Variants in TCF4 observed in about 807,000 individuals in gnomAD.
TCF4 encodes the protein SL3-3 enhancer factor 2.
In TCF4, 3 loss-of-function variants were observed where a neutral mutation model predicts 82.1. That is an observed-to-expected ratio of 0.04 (90% CI 0.02 to 0.09). TCF4 has a LOEUF of 0.09. TCF4 is among the 10% of genes least tolerant of loss of function. The probability of loss-of-function intolerance (pLI) is 1.00; values close to 1 mark genes in which losing one functional copy is unlikely to be tolerated. For missense variants in TCF4, 518 were observed against 852.7 expected (o/e 0.61, Z 4.89); for synonymous variants, 276 against 309.6 (o/e 0.89, Z 1.14).
intron 8 of TCF4, chr18:55,322,105 C>CTT (rs1213553765): frequency 0.011 from 9,072 of 848,696 alleles, 1 homozygote; most frequent in Non-Finnish European, 0.011. Flanking sequence ...TTTTTTTTTC[C>CTT]TTTTTTTTTT....
intron 8 of TCF4, among the ~76,000 whole-genome samples, chr18:55,291,177 G>A (rs977331142): frequency 9.9e-5 from 15 of 152,152 alleles, no homozygotes; most frequent in African/African-American, 3.4e-4. Flanking sequence ...CAGGAATGGG[G>A]TTATAACCTA....
chr18:55,559,476 A>C (rs1194365646), intron 3 of TCF4, among the ~76,000 whole-genome samples: 1 of 152,162 alleles, frequency 6.6e-6, no homozygotes, highest in South Asian at 2.1e-4. Flanking sequence ...ATATTCTTTA[A>C]AAAAGGTTTA....
At chr18:55,378,277 A>C (rs1603421289) in intron 6 of TCF4, among the ~76,000 whole-genome samples, 1 of 152,320 alleles carries the variant, frequency 6.6e-6, no homozygotes, top group African/African-American at 2.4e-5. Context: ...TTGGCTAATA[A>C]CCATCAGTTT....
At chr18:55,295,849 C>T (rs1486664474) in intron 8 of TCF4, among the ~76,000 whole-genome samples, 1 of 152,134 alleles carries the variant, frequency 6.6e-6, no homozygotes, top group East Asian at 1.9e-4. Context: ...TTCATCCTTG[C>T]ACTTCACTTC....
chr18:55,373,541 A>G (rs930835918), intron 6 of TCF4, among the ~76,000 whole-genome samples: 3 of 152,156 alleles, frequency 2.0e-5, no homozygotes, highest in African/African-American at 4.8e-5. Flanking sequence ...GGCCGGGTGC[A>G]GTGGCTCACG....
At chr18:55,256,574 T>C (rs866395199) in intron 14 of TCF4, among the ~76,000 whole-genome samples, 1 of 152,128 alleles carries the variant, frequency 6.6e-6, no homozygotes, top group African/African-American at 2.4e-5. Flanking sequence ...CTAAAGCAGA[T>C]AGATAAATCT....
rs1599333707 is a variant in TCF4 at position 55,227,892 on chromosome 18, G to A, written c.*143C>T. 2.1e-5 allele frequency: 5 copies of A among 236,412 alleles called. No individual in the cohort carries two copies. The highest frequency in any genetic ancestry group is 1.0e-4 in the Admixed American group (2 of 19,182). 14.6% of individuals were successfully genotyped at this position (236,412 alleles called of 1,614,324 possible). A position where few individuals can be genotyped will look rare whatever the true frequency, so the allele number is the denominator to read the frequency against. On this transcript the variant is annotated 3_prime_UTR_variant, in exon 20 of 20. Coordinates refer to ENST00000354452, the MANE Select transcript of TCF4 (RefSeq NM_001083962.2). ...AATTGGGAATGCTGAAACCTCTTGC[G>A]TCTGCGATTCATAACTACTCAGACT...
chr18:55,348,045 A>G (rs2081555386), intron 8 of TCF4, among the ~76,000 whole-genome samples: 1 of 152,216 alleles, frequency 6.6e-6, no homozygotes, highest in Admixed American at 6.5e-5. Context: ...ATATAGAAAT[A>G]CAGATCTGCT....
intron 2 of TCF4, among the ~76,000 whole-genome samples, chr18:55,595,256 C>G (rs2097689723): frequency 6.6e-6 from 1 of 152,166 alleles, no homozygotes; most frequent in South Asian, 2.1e-4. Flanking sequence ...CCTCAAAACA[C>G]CTAAAAGTAG....
intron 5 of TCF4, among the ~76,000 whole-genome samples, chr18:55,423,237 G>C (rs1054500830): frequency 6.6e-6 from 1 of 151,966 alleles, no homozygotes; most frequent in Non-Finnish European, 1.5e-5. Context: ...TGATGTCAGC[G>C]GTTTTAATTA....
chr18:55,547,911 T>C (rs12963873), intron 3 of TCF4, among the ~76,000 whole-genome samples: 3 of 152,106 alleles, frequency 2.0e-5, no homozygotes, highest in Non-Finnish European at 4.4e-5. Flanking sequence ...TGAATTCCCA[T>C]CTAATGTCAT....
chr18:55,485,012 T>C (rs898422567), intron 3 of TCF4, among the ~76,000 whole-genome samples: 2 of 152,176 alleles, frequency 1.3e-5, no homozygotes, highest in African/African-American at 2.4e-5. Context: ...GATACTGGTT[T>C]CAAAATGAGC....
intron 5 of TCF4, among the ~76,000 whole-genome samples, chr18:55,434,384 T>A (rs1443658161): frequency 6.6e-6 from 1 of 151,624 alleles, no homozygotes; most frequent in Admixed American, 6.6e-5. Context: ...ATTCTGGTTC[T>A]GGTAATGTGT....
At chr18:55,256,821 C>T (rs1396136937) in intron 14 of TCF4, among the ~76,000 whole-genome samples, 1 of 152,168 alleles carries the variant, frequency 6.6e-6, no homozygotes, top group African/African-American at 2.4e-5. Flanking sequence ...TAATTAACTA[C>T]ATCCATGGAA....
At chr18:55,370,137 C>G (rs1416683358) in intron 6 of TCF4, among the ~76,000 whole-genome samples, 2 of 152,196 alleles carry the variant, frequency 1.3e-5, no homozygotes, top group African/African-American at 4.8e-5. Context: ...ATGGCTCATG[C>G]CTGTAATCCC....
At chr18:55,532,022 T>G (rs2097069509) in intron 3 of TCF4, among the ~76,000 whole-genome samples, 1 of 152,212 alleles carries the variant, frequency 6.6e-6, no homozygotes, top group South Asian at 2.1e-4. Context: ...CATTGAATAG[T>G]TAGGGTTTGC....
chr18:55,369,683 T>C (rs1326518585), intron 6 of TCF4, among the ~76,000 whole-genome samples: 5 of 152,086 alleles, frequency 3.3e-5, no homozygotes, highest in Non-Finnish European at 5.9e-5. Context: ...TTAAATATTC[T>C]AATTTTGGCA....
At chr18:55,588,653 T>C, upstream of TCF4, 3 of 1,355,992 alleles carry the variant, frequency 2.2e-6, no homozygotes, top group Non-Finnish European at 2.9e-6. Flanking sequence ...TATACTAGGC[T>C]GCAAATACAC....
At chr18:55,436,935 A>G (rs1446053350) in intron 5 of TCF4, among the ~76,000 whole-genome samples, 3 of 152,246 alleles carry the variant, frequency 2.0e-5, no homozygotes, top group Non-Finnish European at 2.9e-5. Flanking sequence ...TGCACAAAAT[A>G]AGTCCTAGAA....
Sources: allele counts gnomAD v4.1 joint callset (sites outside exome capture counted in the v4.1 genomes callset), GRCh38; gene constraint gnomAD v4.1.1; transcripts MANE v1.5; gene names NCBI Gene and HGNC (gene_info 2026-07-23, HGNC 2026-07-21).